SCAPER: variants seen among roughly 807,000 people sequenced by gnomAD.
SCAPER encodes S phase cyclin A-associated protein in the endoplasmic reticulum.
Under a neutral mutation model 182.2 loss-of-function variants are expected in SCAPER, and 98 were observed. The observed-to-expected ratio is 0.54, with a 90% CI of 0.46 to 0.64. The LOEUF is 0.64. SCAPER is among the 30% of genes least tolerant of loss of function. The pLI is 0.00. For missense variants in SCAPER, 1,432 were observed against 1,690.0 expected (o/e 0.85, Z 2.68); for synonymous variants, 605 against 564.6 (o/e 1.07, Z -1.01).
chr15:76,562,617 A>C (rs2046729492), intron 23 of SCAPER, among the ~76,000 whole-genome samples: 1 of 152,234 alleles, frequency 6.6e-6, no homozygotes, highest in African/African-American at 2.4e-5. Context: ...AATGTCTGAT[A>C]ATAACAAGCG....
intron 25 of SCAPER, among the ~76,000 whole-genome samples, chr15:76,440,745 A>G (rs904294851): frequency 1.3e-5 from 2 of 152,118 alleles, no homozygotes; most frequent in African/African-American, 2.4e-5. Context: ...TTTGCCACTG[A>G]TATTTATAAA....
At chr15:76,743,496 T>C (rs1171008425) in intron 15 of SCAPER, among the ~76,000 whole-genome samples, 1 of 152,042 alleles carries the variant, frequency 6.6e-6, no homozygotes, top group East Asian at 1.9e-4. Context: ...AGCATTTCTA[T>C]CCACCAATAA....
At chr15:76,538,105 T>G (rs76866697) in intron 23 of SCAPER, among the ~76,000 whole-genome samples, 11,881 of 147,170 alleles carry the variant, frequency 0.081, 666 homozygotes, top group Non-Finnish European at 0.12. Context: ...GGAACACTTT[T>G]ACACTGTTGG....
At chr15:76,497,124 T>TTTTTTTTTTTTTTTTC (rs1555456895) in intron 24 of SCAPER, among the ~76,000 whole-genome samples, 1 of 139,426 alleles carries the variant, frequency 7.2e-6, no homozygotes, top group African/African-American at 2.8e-5. Context: ...TTTTTTTTTT[T>TTTTTTTTTTTTTTTTC]CCCAAAACGG....
intron 24 of SCAPER, among the ~76,000 whole-genome samples, chr15:76,494,293 T>C (rs755911325): frequency 2.2e-4 from 33 of 152,356 alleles, no homozygotes; most frequent in Non-Finnish European, 2.8e-4. Context: ...TTGCTGGATC[T>C]TACGTGAACA....
intron 21 of SCAPER, among the ~76,000 whole-genome samples, chr15:76,635,890 T>A (rs1344995974): frequency 6.6e-6 from 1 of 152,232 alleles, no homozygotes; most frequent in East Asian, 1.9e-4. Flanking sequence ...CAACTACCCC[T>A]GAATTCTTGG....
At chr15:76,491,776 C>A (rs1421212252) in intron 24 of SCAPER, among the ~76,000 whole-genome samples, 1 of 152,080 alleles carries the variant, frequency 6.6e-6, no homozygotes, top group Non-Finnish European at 1.5e-5. Context: ...GGATTACAGG[C>A]GTTTGCCACC....
chr15:76,743,777 G>GA (rs565197370), intron 15 of SCAPER, among the ~76,000 whole-genome samples: 36 of 151,620 alleles, frequency 2.4e-4, no homozygotes, highest in Non-Finnish European at 4.1e-4. Flanking sequence ...CACAAAATTA[G>GA]AAAAAAAACT....
chr15:76,491,995 A>C (rs999745522), intron 24 of SCAPER, among the ~76,000 whole-genome samples: 2 of 152,094 alleles, frequency 1.3e-5, no homozygotes, highest in African/African-American at 4.8e-5. Flanking sequence ...TTTAGTGTGT[A>C]TTTCTTAATG....
chr15:76,624,159 CA>C (rs2052359074), intron 21 of SCAPER, among the ~76,000 whole-genome samples: 1 of 152,172 alleles, frequency 6.6e-6, no homozygotes. Flanking sequence ...AAGACTCTGC[CA>C]AAAGGCTCCT....
chr15:76,379,365 T>TTCTC (rs2042784663), intron 28 of SCAPER, among the ~76,000 whole-genome samples: 2 of 152,122 alleles, frequency 1.3e-5, no homozygotes, highest in Non-Finnish European at 2.9e-5. Flanking sequence ...GAAGAAAAGG[T>TTCTC]ACTGGAGAAT....
chr15:76,599,969 C>T (rs1472836131), intron 22 of SCAPER, among the ~76,000 whole-genome samples: 1 of 121,236 alleles, frequency 8.2e-6, no homozygotes, highest in East Asian at 2.2e-4. Context: ...TAATAACATG[C>T]ATGTTGAAAT....
chr15:76,729,478 G>C (rs1464806927), intron 16 of SCAPER, among the ~76,000 whole-genome samples: 3 of 152,000 alleles, frequency 2.0e-5, no homozygotes, highest in East Asian at 3.9e-4. Context: ...ATAGTTAATA[G>C]ATTTTATTTC....
In SCAPER at chr15:76,348,721, G is replaced by A. The variant is rs2040332305; in HGVS notation, c.4115C>T (p.Ser1372Phe). 1 of 1,533,830 alleles carries A rather than the reference G, an allele frequency of 6.5e-7. No individual in the cohort carries two copies. The highest frequency in any genetic ancestry group is 1.3e-5 in the South Asian group (1 of 79,776). Reference protein sequence around the residue: ...PYQPKGKCLGSQDYLELANRF... With the variant: ...PYQPKGKCLGFQDYLELANRF... ...GTTAGCCAGCTCAAGATAGTCTTGG[G>A]AACCAAGGCATTTCCCTGAGAGGGG... The change falls in exon 32 of 32, where the codon TCC becomes TTC. Residue 1372 changes from serine to phenylalanine, a missense_variant. Ser to Phe is a radical substitution (Grantham distance 155). Around this residue, in one of 5 missense-constraint regions of SCAPER, gnomAD observed 718 missense variants for 799.7 expected, o/e 0.90. Transcript: ENST00000563290.
intron 23 of SCAPER, among the ~76,000 whole-genome samples, chr15:76,556,720 G>C (rs1160467321): frequency 6.6e-6 from 1 of 151,324 alleles, no homozygotes; most frequent in Admixed American, 6.6e-5. Flanking sequence ...TTCTGAAATT[G>C]AATCAGTAAT....
intron 18 of SCAPER, among the ~76,000 whole-genome samples, chr15:76,703,828 T>C (rs1256183400): frequency 1.3e-5 from 2 of 152,138 alleles, no homozygotes; most frequent in East Asian, 1.9e-4. Flanking sequence ...ATCTCTGCAT[T>C]CCCCTGCCTA....
chr15:76,380,105 A>G (rs1387062713), intron 28 of SCAPER: 1 of 152,178 alleles, frequency 6.6e-6, no homozygotes, highest in Non-Finnish European at 1.5e-5. Context: ...TGAGCATGTA[A>G]AGTTAAGGTT....
Position 76,348,724 on chromosome 15 carries a change from C to A in SCAPER, c.4112G>T (p.Gly1371Val). ...AGCCAGCTCAAGATAGTCTTGGGAACCAAGGCATTTCCCTGAGAGGGGGAT... is the reference window on the plus strand; with the variant it reads ...AGCCAGCTCAAGATAGTCTTGGGAAACAAGGCATTTCCCTGAGAGGGGGAT... ...QPYQPKGKCLGSQDYLELANR... is the reference protein window; with the variant it reads ...QPYQPKGKCLVSQDYLELANR... Residue 1371 changes from glycine (G) to valine (V), a missense_variant, in exon 32 of 32, where the codon GGT becomes GTT. Coordinates refer to ENST00000563290, the MANE Select transcript of SCAPER (RefSeq NM_020843.4). 6.5e-7 allele frequency: 1 copy of A among 1,527,360 alleles called. No individual in the cohort carries two copies. The highest frequency in any genetic ancestry group is 8.8e-7 in the Non-Finnish European group (1 of 1,132,866). 94.6% of individuals were successfully genotyped at this position (1,527,360 alleles called of 1,614,324 possible). A position where few individuals can be genotyped will look rare whatever the true frequency, so the allele number is the denominator to read the frequency against.
intron 24 of SCAPER, among the ~76,000 whole-genome samples, chr15:76,504,498 T>C (rs1275711121): frequency 1.3e-5 from 2 of 152,230 alleles, no homozygotes; most frequent in Non-Finnish European, 2.9e-5. Context: ...CTTTTGCTAA[T>C]GTACTTACTC....
Sources: gnomAD v4.1 joint callset for allele counts (sites outside exome capture counted in the v4.1 genomes callset) on GRCh38, gnomAD v4.1.1 for gene constraint, gnomAD v4.1.1 regional missense constraint, MANE v1.5 for transcripts, NCBI Gene and HGNC (gene_info 2026-07-23, HGNC 2026-07-21) for gene names.